The following KANK1 variants were observed in gnomAD, a reference collection of about 807,000 sequenced individuals.
KANK1 encodes KN motif and ankyrin repeat domains 1, also known as KN motif and ankyrin repeat domain-containing protein 1.
In KANK1, 109 loss-of-function variants were observed where a neutral mutation model predicts 106.2. That is an observed-to-expected ratio of 1.03 (90% confidence interval 0.88 to 1.20). The LOEUF is 1.20. Ranked by LOEUF, KANK1 falls within the 50% of genes most tolerant of loss-of-function variation. The pLI, the probability that KANK1 is intolerant of heterozygous loss-of-function variation, is 0.00. For missense variants in KANK1, 2,399 were observed against 1,710.7 expected (o/e 1.40, Z -7.10); for synonymous variants, 873 against 652.2 (o/e 1.34, Z -5.16).
At chr9:576,101 C>G (rs143829250) in intron 1 of KANK1, among the ~76,000 whole-genome samples, 1 of 152,236 alleles carries the variant, frequency 6.6e-6, no homozygotes, top group Admixed American at 6.5e-5. Flanking sequence ...CATCTGGGAA[C>G]TTATTAGAAA....
intron 2 of KANK1, among the ~76,000 whole-genome samples, chr9:701,521 ATTCT>A (rs1822659747): frequency 1.3e-5 from 2 of 152,168 alleles, no homozygotes; most frequent in Admixed American, 1.3e-4. Context: ...GAGCTAGATA[ATTCT>A]TTGTTGGGGG....
chr9:504,985 C>T (rs1587305817), intron 1 of KANK1, among the ~76,000 whole-genome samples: 2 of 151,074 alleles, frequency 1.3e-5, no homozygotes, highest in Non-Finnish European at 3.0e-5. Flanking sequence ...GAGGTGGCGT[C>T]GGCCCCGCGG....
At chr9:618,351 G>A (rs1229061989) in intron 1 of KANK1, among the ~76,000 whole-genome samples, 1 of 151,946 alleles carries the variant, frequency 6.6e-6, no homozygotes, top group Non-Finnish European at 1.5e-5. Flanking sequence ...GGGACTACAG[G>A]CACACGCCAC....
intron 1 of KANK1, among the ~76,000 whole-genome samples, chr9:515,288 T>G (rs970044291): frequency 6.7e-6 from 1 of 148,620 alleles, no homozygotes; most frequent in Non-Finnish European, 1.5e-5. Context: ...GAGCTTGCAG[T>G]GAGCCGAGAT....
upstream of KANK1, among the ~76,000 whole-genome samples, chr9:503,577 G>A (rs775709758): frequency 7.2e-5 from 11 of 152,216 alleles, no homozygotes; most frequent in Non-Finnish European, 1.3e-4. Flanking sequence ...AAAAAAGACT[G>A]AGCGTGTGTA....
At chr9:639,275 C>T (rs1277081461) in intron 1 of KANK1, among the ~76,000 whole-genome samples, 1 of 152,012 alleles carries the variant, frequency 6.6e-6, no homozygotes, top group Non-Finnish European at 1.5e-5. Flanking sequence ...GGCAAGAGTT[C>T]ACTTTCTTTT....
intron 1 of KANK1, among the ~76,000 whole-genome samples, chr9:538,444 A>G (rs2060420262): frequency 1.3e-5 from 2 of 152,232 alleles, no homozygotes; most frequent in Admixed American, 6.5e-5. Flanking sequence ...GCATTTCAGT[A>G]AAGATTACTC....
intron 4 of KANK1, 185 bp from the exon 5 acceptor site, chr9:730,973 T>C: frequency 9.8e-6 from 4 of 407,138 alleles, no homozygotes; most frequent in Non-Finnish European, 1.8e-5. Flanking sequence ...AAGAATGTTA[T>C]TAATGGAACT....
At chr9:603,306 C>G (rs1391480829) in intron 1 of KANK1, among the ~76,000 whole-genome samples, 3 of 151,824 alleles carry the variant, frequency 2.0e-5, no homozygotes, top group Admixed American at 6.6e-5. Flanking sequence ...GTTTTCAGTT[C>G]AGAAACGTGG....
intron 1 of KANK1, among the ~76,000 whole-genome samples, chr9:634,944 C>A (rs567337230): frequency 1.1e-4 from 16 of 152,218 alleles, no homozygotes; most frequent in African/African-American, 3.9e-4. Context: ...ACAGAAGTGC[C>A]AGGCATCACA....
chr9:656,043 C>A (rs978126913), intron 1 of KANK1, among the ~76,000 whole-genome samples: 3 of 152,184 alleles, frequency 2.0e-5, no homozygotes, highest in Non-Finnish European at 4.4e-5. Flanking sequence ...TGCCCCAGAG[C>A]CTCGTTGCAG....
chr9:576,417 A>G lies in KANK1; in HGVS notation c.-84+71663A>G, dbSNP rs1053122808. 5.3e-5 allele frequency among the ~76,000 whole-genome samples: 8 copies of G among 152,330 alleles called. No individual in the cohort carries two copies. In the South Asian group the frequency reaches 1.0e-3, roughly 20 times the overall value. On this transcript the variant is annotated intron_variant, in intron 1 of 11. Transcript: ENST00000382297. ...TAGGTAAGAAAGCAGAAGAGGAACC[A>G]ATATTTGCTCTGCTAGGCACTGTGC...
At chr9:537,961 A>C (rs1331356985) in intron 1 of KANK1, among the ~76,000 whole-genome samples, 4 of 152,178 alleles carry the variant, frequency 2.6e-5, no homozygotes, top group African/African-American at 9.7e-5. Context: ...TTCTCACTCA[A>C]CACAACAAGT....
rs1170562909 is a variant in KANK1, at chr9:745,706, G to C, written c.*471G>C. On this transcript the variant is annotated 3_prime_UTR_variant, in exon 12 of 12. Transcript: ENST00000382297. Reference sequence around the variant, plus strand: ...AAAATAAGGAAGTCGAGATGACTTTGATCATTGGTAACTTGGGCCTGGGCC... The same window carrying C: ...AAAATAAGGAAGTCGAGATGACTTTCATCATTGGTAACTTGGGCCTGGGCC... The C allele has an allele frequency of 6.6e-6, 1 of 152,524 alleles. No homozygotes were observed. 9.4% of individuals were successfully genotyped at this position (152,524 alleles called of 1,614,324 possible).
At chr9:573,679 G>A (rs578075923) in intron 1 of KANK1, among the ~76,000 whole-genome samples, 1 of 152,100 alleles carries the variant, frequency 6.6e-6, no homozygotes, top group Non-Finnish European at 1.5e-5. Context: ...TTATCTTAAA[G>A]AAAATGTTAA....
chr9:500,869 G>A (rs2058538912), upstream of KANK1, among the ~76,000 whole-genome samples: 1 of 152,070 alleles, frequency 6.6e-6, no homozygotes. Context: ...AAGCAACAGG[G>A]GAACCTTCAG....
At chr9:520,720 G>A (rs953152990) in intron 1 of KANK1, among the ~76,000 whole-genome samples, 2 of 151,732 alleles carry the variant, frequency 1.3e-5, no homozygotes, top group African/African-American at 4.9e-5. Context: ...GCCTAGATAT[G>A]GAAAACAGGG....
intron 2 of KANK1, among the ~76,000 whole-genome samples, chr9:680,011 A>C (rs1414243371): frequency 6.6e-6 from 1 of 152,188 alleles, no homozygotes; most frequent in African/African-American, 2.4e-5. Flanking sequence ...AGATGAGATA[A>C]AGAGGGCTTC....
intron 1 of KANK1, among the ~76,000 whole-genome samples, chr9:565,437 T>C (rs1285042031): frequency 6.6e-6 from 1 of 152,174 alleles, no homozygotes; most frequent in Non-Finnish European, 1.5e-5. Context: ...ACTGAGACCA[T>C]GGTATTGCAG....
Sources: gnomAD v4.1 joint callset for allele counts (sites outside exome capture counted in the v4.1 genomes callset) on GRCh38, gnomAD v4.1.1 for gene constraint, MANE v1.5 for transcripts, NCBI Gene and HGNC (gene_info 2026-07-23, HGNC 2026-07-21) for gene names.